Variants in DUS2 observed in about 807,000 individuals in gnomAD.
DUS2 encodes the protein dihydrouridine synthase 2.
Under a neutral mutation model 71.3 loss-of-function variants are expected in DUS2, and 52 were observed. That is an observed-to-expected ratio of 0.73 (90% CI 0.58 to 0.92). DUS2 has a LOEUF of 0.92. Ranked by LOEUF, DUS2 falls within the 40% of genes least tolerant of loss-of-function variation. The probability of loss-of-function intolerance (pLI) is 0.00; values close to 1 mark genes in which losing one functional copy is unlikely to be tolerated. For synonymous variants in DUS2, 204 were observed against 227.8 expected, an observed-to-expected ratio of 0.90 and a Z score of 0.94; for missense variants, 558 against 622.6, an observed-to-expected ratio of 0.90 and a Z score of 1.10.
rs2034009309 is a variant in DUS2, at chr16:68,066,656, G to A, written c.554+20G>A. 4 of 1,613,048 alleles carry A rather than the reference G, an allele frequency of 2.5e-6. No homozygotes were observed. The East Asian group carries it at 8.9e-5, about 36-fold the overall frequency. ...TGGGAGGTGAGTGGTCACCTTTCTAGTGACTGGCAGGGAGGTCCTAACCCA... is the reference window on the plus strand; with the variant it reads ...TGGGAGGTGAGTGGTCACCTTTCTAATGACTGGCAGGGAGGTCCTAACCCA... On this transcript the variant is annotated intron_variant, in intron 10 of 16. Coordinates refer to ENST00000565263, the MANE Select transcript of DUS2 (RefSeq NM_017803.5).
chr16:68,069,652 G>GT (rs2034056678), intron 10 of DUS2, among the ~76,000 whole-genome samples: 1 of 152,144 alleles, frequency 6.6e-6, no homozygotes, highest in African/African-American at 2.4e-5. Flanking sequence ...CCTGTGTCAG[G>GT]TGCCTCTCCC....
intron 16 of DUS2, 62 bp from the exon 17 acceptor site, chr16:68,078,687 G>A (rs1567484812): frequency 1.9e-6 from 3 of 1,545,418 alleles, no homozygotes; most frequent in Non-Finnish European, 2.7e-6. Context: ...CCAAGGATGT[G>A]TAGAGTCAGG....
chr16:68,066,765 C>A, intron 10 of DUS2, 129 bp downstream of exon 10: 1 of 906,748 alleles, frequency 1.1e-6, no homozygotes, highest in South Asian at 1.4e-5. Flanking sequence ...CTCTGCCTAG[C>A]TCTTTGATAT....
At chr16:68,035,891 TA>T (rs1268696567) in intron 2 of DUS2, among the ~76,000 whole-genome samples, 1 of 3,202 alleles carries the variant, frequency 3.1e-4, no homozygotes, top group Non-Finnish European at 0.011. Flanking sequence ...ATTTTATATA[TA>T]TATATATATA....
At chr16:68,068,936 C>T (rs1443467580) in intron 10 of DUS2, among the ~76,000 whole-genome samples, 2 of 151,858 alleles carry the variant, frequency 1.3e-5, no homozygotes, top group Non-Finnish European at 2.9e-5. Flanking sequence ...TATTTTTTAC[C>T]CGTAGTTGGG....
chr16:68,075,232 C>A, intron 13 of DUS2, 123 bp from the exon 14 acceptor site: 1 of 908,806 alleles, frequency 1.1e-6, no homozygotes, highest in Non-Finnish European at 1.6e-6. Context: ...GATGGCCAGG[C>A]CCCGGTGGTG....
At chr16:68,065,875 T>G (rs1265676397) in intron 8 of DUS2, among the ~76,000 whole-genome samples, 1 of 150,366 alleles carries the variant, frequency 6.7e-6, no homozygotes, top group African/African-American at 2.5e-5. Flanking sequence ...CGGGCTGGAG[T>G]GTGTTGGGCA....
chr16:68,049,488 C>T lies in DUS2; in HGVS notation c.127-17C>T. 6.2e-7 allele frequency: 1 copy of T among 1,613,930 alleles called. No individual in the cohort carries two copies. Among genetic ancestry groups the T allele is most frequent in the East Asian group, 2.2e-5 (1 of 44,886 alleles). On this transcript the variant is annotated splice_polypyrimidine_tract_variant and intron_variant, in intron 3 of 16. Transcript: ENST00000565263. ...TACATGTTCAGGAATGACAAGCGTC[C>T]TCTGATTCCTCTGCAGGAGCTGATC... is the stretch of plus-strand genomic sequence containing the variant.
intron 4 of DUS2, 67 bp from the exon 5 acceptor site, chr16:68,053,497 A>C: frequency 4.0e-6 from 6 of 1,494,652 alleles, no homozygotes; most frequent in Non-Finnish European, 5.6e-6. Context: ...GTTTTCTTCC[A>C]GGGCTTAGGC....
intron 15 of DUS2, 54 bp downstream of exon 15, chr16:68,076,773 T>C: frequency 1.3e-6 from 2 of 1,486,704 alleles, no homozygotes; most frequent in Non-Finnish European, 1.9e-6. Context: ...TCCCATGGCT[T>C]ACACCCTCAA....
rs1238589809 is a variant in DUS2, at chr16:68,066,334, T to G, written c.435T>G (p.Val145=). 1.2e-6 allele frequency: 2 copies of G among 1,614,096 alleles called. No homozygotes were observed. Among genetic ancestry groups the G allele is most frequent in the Non-Finnish European group, 1.7e-6 (2 of 1,180,036 alleles). Residue 145 remains valine, a synonymous_variant, in exon 9 of 17, where the codon GTT becomes GTG. Transcript: ENST00000565263. ...TTCTGCAGATCCTCAGCACTCTTGT[T>G]AAAGGGACACGCAGACCTGTGACCT... is the stretch of plus-strand genomic sequence containing the variant. The part of the protein sequence containing the change: ...DKIEKILSTL[V]KGTRRPVTCK...
In DUS2 at chr16:68,038,164, T is replaced by C. The variant is rs551818375; in HGVS notation, c.126+15T>C. Reference sequence around the variant, plus strand: ...TTTACTGTGAGGTAAGGGGCTCTGATTTTCTGGGTGGGCTTCTCCACAAGT... The same window carrying C: ...TTTACTGTGAGGTAAGGGGCTCTGACTTTCTGGGTGGGCTTCTCCACAAGT... On this transcript the variant is annotated intron_variant, in intron 3 of 16. Transcript: ENST00000565263. 6.2e-7 allele frequency: 1 copy of C among 1,612,714 alleles called. No homozygotes were observed. Among genetic ancestry groups the C allele is most frequent in the Admixed American group, 1.7e-5 (1 of 59,632 alleles).
intron 2 of DUS2, among the ~76,000 whole-genome samples, chr16:68,030,538 C>A (rs190536479): frequency 1.3e-5 from 2 of 152,116 alleles, no homozygotes; most frequent in African/African-American, 4.8e-5. Flanking sequence ...TTGCAGTGAG[C>A]CAAGATCATG....
chr16:68,039,779 A>G (rs2033594974), intron 3 of DUS2, among the ~76,000 whole-genome samples: 1 of 151,930 alleles, frequency 6.6e-6, no homozygotes, highest in Admixed American at 6.6e-5. Flanking sequence ...GAGGGAGGGA[A>G]AAGAAAATTA....
intron 8 of DUS2, among the ~76,000 whole-genome samples, chr16:68,061,420 A>G (rs1412098104): frequency 6.6e-6 from 1 of 152,124 alleles, no homozygotes; most frequent in Non-Finnish European, 1.5e-5. Context: ...CCTTCTGGGA[A>G]GGTCTTGAGA....
chr16:68,078,627 G>C, intron 16 of DUS2, 109 bp downstream of exon 16: 1 of 1,484,858 alleles, frequency 6.7e-7, no homozygotes, highest in Non-Finnish European at 9.3e-7. Context: ...GTATATGTGG[G>C]CAGTGGCATC....
chr16:68,077,125 G>A (rs2034169766), intron 15 of DUS2, among the ~76,000 whole-genome samples: 1 of 151,714 alleles, frequency 6.6e-6, no homozygotes, highest in Non-Finnish European at 1.5e-5. Context: ...ATGGTGGTGG[G>A]CGCCTGTAAT....
chr16:68,061,217 C>G, intron 8 of DUS2, 104 bp downstream of exon 8: 1 of 1,240,236 alleles, frequency 8.1e-7, no homozygotes, highest in South Asian at 1.3e-5. Flanking sequence ...GATGTCCACC[C>G]AGTTTCTCTC....
chr16:68,048,061 A>G (rs2033730257), intron 3 of DUS2, among the ~76,000 whole-genome samples: 1 of 152,106 alleles, frequency 6.6e-6, no homozygotes, highest in Non-Finnish European at 1.5e-5. Flanking sequence ...GGGATTACAG[A>G]CATAAGCCAT....
Sources: allele counts gnomAD v4.1 joint callset (sites outside exome capture counted in the v4.1 genomes callset), GRCh38; gene constraint gnomAD v4.1.1; transcripts MANE v1.5; gene names NCBI Gene and HGNC (gene_info 2026-07-23, HGNC 2026-07-21).